Variants in COMMD7 observed in about 807,000 individuals in gnomAD.
COMMD7 encodes the protein COMM domain containing 7, also known as COMM domain-containing protein 7.
A neutral mutation model predicts 34.8 loss-of-function variants in COMMD7; 28 were observed. The observed-to-expected ratio is 0.80, with a 90% CI of 0.60 to 1.10. The LOEUF (loss-of-function observed/expected upper bound fraction) is 1.10, where lower values mean the gene tolerates loss of function less well. COMMD7 is among the 50% of genes least tolerant of loss of function. The probability of loss-of-function intolerance (pLI) is 0.00; values close to 1 mark genes in which losing one functional copy is unlikely to be tolerated. For missense variants in COMMD7, 211 were observed against 241.6 expected (o/e 0.87, Z 0.84); for synonymous variants, 80 against 86.4 (o/e 0.93, Z 0.41).
At chr20:32,708,477 G>C (rs902460103) in intron 3 of COMMD7, among the ~76,000 whole-genome samples, 1 of 151,904 alleles carries the variant, frequency 6.6e-6, no homozygotes, top group Admixed American at 6.6e-5. Flanking sequence ...GAAGCCACAC[G>C]GAATAAAAAA....
chr20:32,707,290 A>ATATATAT (rs1555822509), intron 3 of COMMD7, among the ~76,000 whole-genome samples: 40 of 119,814 alleles, frequency 3.3e-4, no homozygotes, highest in South Asian at 8.2e-4. Flanking sequence ...TCTCAAAAAA[A>ATATATAT]AAAAATATAT....
chr20:32,703,592 T>A, intron 8 of COMMD7, 134 bp from the exon 9 acceptor site: 1 of 1,450,896 alleles, frequency 6.9e-7, no homozygotes, highest in Non-Finnish European at 9.0e-7. Flanking sequence ...GATGGGTAAC[T>A]GATCATAATA....
intron 1 of COMMD7, among the ~76,000 whole-genome samples, chr20:32,731,069 T>C (rs1985806824): frequency 6.6e-6 from 1 of 152,196 alleles, no homozygotes; most frequent in Non-Finnish European, 1.5e-5. Flanking sequence ...TGGTGGCTCA[T>C]GCCTGTAATC....
chr20:32,720,589 C>T (rs970454385), intron 3 of COMMD7, among the ~76,000 whole-genome samples: 8 of 152,050 alleles, frequency 5.3e-5, no homozygotes, highest in African/African-American at 1.7e-4. Flanking sequence ...GCAGACAGAT[C>T]GCTTAAGCCC....
chr20:32,707,677 AGAAGTCAGAGACAACAG>A (rs1234650205), intron 3 of COMMD7, among the ~76,000 whole-genome samples: 1 of 151,664 alleles, frequency 6.6e-6, no homozygotes, highest in Non-Finnish European at 1.5e-5. Flanking sequence ...CCAGTGTGAG[AGAAGTCAGAGACAACAG>A]AAAAGACTTC....
intron 3 of COMMD7, among the ~76,000 whole-genome samples, chr20:32,709,486 G>C (rs1218992041): frequency 1.3e-5 from 2 of 152,062 alleles, no homozygotes; most frequent in African/African-American, 4.8e-5. Context: ...GGCAGGTGGA[G>C]GTTGCCGTGA....
chr20:32,704,624 G>A, intron 6 of COMMD7, 135 bp from the exon 7 acceptor site: 2 of 982,186 alleles, frequency 2.0e-6, no homozygotes, highest in East Asian at 2.6e-5. Flanking sequence ...GCAGCAAGGT[G>A]TGCTTTTGGA....
chr20:32,733,418 C>G (rs1786643922), intron 1 of COMMD7, among the ~76,000 whole-genome samples: 1 of 148,008 alleles, frequency 6.8e-6, no homozygotes, highest in Non-Finnish European at 1.5e-5. Flanking sequence ...AACCCCGTCT[C>G]TACTAAAAAT....
At position 32,716,337 on chromosome 20, in the gene COMMD7, C is replaced by T. The variant is rs191142318; in HGVS notation, c.242-9577G>A. Among the ~76,000 whole-genome samples the T allele has an allele frequency of 5.1e-3, 774 of 152,108 alleles. 4 individuals carry two copies. Among genetic ancestry groups the T allele is most frequent in the African/African-American group, 0.018 (741 of 41,514 alleles). On this transcript the variant is annotated intron_variant, in intron 3 of 8. Coordinates refer to ENST00000278980, the MANE Select transcript of COMMD7 (RefSeq NM_053041.3). Reference sequence around the variant, plus strand: ...GCCTTTAACATAATCCAGTTTGGGCCGGGCGCAGTGGCTCACACCTGTAAT... The same window carrying T: ...GCCTTTAACATAATCCAGTTTGGGCTGGGCGCAGTGGCTCACACCTGTAAT...
rs1238593918 is a variant in COMMD7 at position 32,722,793 on chromosome 20, G to A, written c.241+5100C>T. On this transcript the variant is annotated intron_variant, in intron 3 of 8. Coordinates refer to ENST00000278980, the MANE Select transcript of COMMD7 (RefSeq NM_053041.3). The stretch of plus-strand genomic sequence containing the variant: ...TCCCAGCACTTTGGGAGGCTGAGGC[G>A]GGTGGATCACGAGGTCAAGAGATCG... Among the ~76,000 whole-genome samples the A allele has an allele frequency of 3.3e-5, 5 of 150,488 alleles. No homozygotes were observed. In the East Asian group the frequency reaches 5.9e-4, roughly 18 times the overall value.
At chr20:32,737,328 C>A (rs1986186137) in intron 1 of COMMD7, among the ~76,000 whole-genome samples, 1 of 134,940 alleles carries the variant, frequency 7.4e-6, no homozygotes, top group African/African-American at 2.7e-5. Context: ...CGAGATCGTG[C>A]CATTGCACTC....
chr20:32,705,291 G>T (rs1983996064), intron 5 of COMMD7, among the ~76,000 whole-genome samples: 2 of 148,028 alleles, frequency 1.4e-5, no homozygotes, highest in South Asian at 2.1e-4. Flanking sequence ...GCAGTGAATT[G>T]GAGAAAGGAG....
At position 32,727,988 on chromosome 20, in the gene COMMD7, CTT is replaced by C; in HGVS notation, c.144_145del (p.Arg49IlefsTer7). 6.2e-7 allele frequency: 1 copy of C among 1,614,106 alleles called. No homozygotes were observed. The highest frequency in any genetic ancestry group is 1.1e-5 in the South Asian group (1 of 91,080). On this transcript the variant is annotated frameshift_variant, in exon 3 of 9. Coordinates refer to ENST00000278980, the MANE Select transcript of COMMD7 (RefSeq NM_053041.3). LOFTEE classifies it high-confidence loss of function. ...AAATTCAGAGAGCTGAGCCAGAAAT[CTT>C]TCCACCTGCAGAGAGAGAACAGTGA...
intron 3 of COMMD7, among the ~76,000 whole-genome samples, chr20:32,727,643 G>A (rs1985591742): frequency 6.6e-6 from 1 of 151,984 alleles, no homozygotes; most frequent in African/African-American, 2.4e-5. Context: ...GAGGACAAGA[G>A]GACATTCTGA....
At chr20:32,740,076 G>T (rs949551544) in intron 1 of COMMD7, among the ~76,000 whole-genome samples, 1 of 141,582 alleles carries the variant, frequency 7.1e-6, no homozygotes, top group African/African-American at 2.7e-5. Flanking sequence ...CCAAAACTTT[G>T]GGAGGCCGAG....
At chr20:32,742,425 C>CG (rs1002877386) in intron 1 of COMMD7, 5 of 152,018 alleles carry the variant, frequency 3.3e-5, no homozygotes, top group East Asian at 1.9e-4. Flanking sequence ...GACAACCTAG[C>CG]GGGGGAAATA....
At chr20:32,727,810 G>T in intron 3 of COMMD7, 83 bp downstream of exon 3, 1 of 1,179,328 alleles carries the variant, frequency 8.5e-7, no homozygotes. Context: ...CTTGGCCCAC[G>T]GAGCATGCTT....
At chr20:32,743,010 C>T (rs1400898302) in intron 1 of COMMD7, among the ~76,000 whole-genome samples, 1 of 152,116 alleles carries the variant, frequency 6.6e-6, no homozygotes, top group East Asian at 1.9e-4. Context: ...AAAAGCTCTC[C>T]TCGGCCCCAG....
intron 1 of COMMD7, among the ~76,000 whole-genome samples, chr20:32,730,012 C>CA (rs999415586): frequency 3.3e-5 from 5 of 151,084 alleles, no homozygotes; most frequent in African/African-American, 9.7e-5. Context: ...GACTCTGTCT[C>CA]AAAAAAAAGA....
Sources: gnomAD v4.1 joint callset for allele counts (sites outside exome capture counted in the v4.1 genomes callset) on GRCh38, gnomAD v4.1.1 for gene constraint, MANE v1.5 for transcripts, NCBI Gene and HGNC (gene_info 2026-07-23, HGNC 2026-07-21) for gene names.